SMG6: variants seen among roughly 807,000 people sequenced by gnomAD.
SMG6 encodes telomerase-binding protein EST1A.
In SMG6, 66 loss-of-function variants were observed where a neutral mutation model predicts 142.2. That is an observed-to-expected ratio of 0.46 (90% CI 0.38 to 0.57). The LOEUF (loss-of-function observed/expected upper bound fraction) is 0.57. SMG6 is among the 20% of genes least tolerant of loss of function. The pLI, the probability that SMG6 is intolerant of heterozygous loss-of-function variation, is 0.00. For synonymous variants in SMG6, 779 were observed against 702.4 expected (o/e 1.11, Z -1.72); for missense variants, 1,793 against 1,832.0 (o/e 0.98, Z 0.39).
intron 8 of SMG6, among the ~76,000 whole-genome samples, chr17:2,263,027 G>C (rs1224952037): frequency 1.3e-5 from 2 of 152,056 alleles, no homozygotes; most frequent in Admixed American, 6.6e-5. Flanking sequence ...AGATAAAATA[G>C]ATAAAAACAA....
intron 10 of SMG6, among the ~76,000 whole-genome samples, chr17:2,210,586 T>G (rs777940331): frequency 1.3e-5 from 2 of 151,360 alleles, no homozygotes; most frequent in African/African-American, 2.4e-5. Context: ...AATACACCAA[T>G]GGGGAAAGAG....
At chr17:2,128,870 A>G (rs1489312725) in intron 13 of SMG6, among the ~76,000 whole-genome samples, 1 of 151,900 alleles carries the variant, frequency 6.6e-6, no homozygotes, top group Middle Eastern at 3.2e-3. Context: ...AGAGGAAGAC[A>G]AAAAGACAGA....
intron 6 of SMG6, among the ~76,000 whole-genome samples, chr17:2,285,544 G>T (rs1014602523): frequency 1.3e-5 from 2 of 152,136 alleles, no homozygotes; most frequent in Non-Finnish European, 2.9e-5. Context: ...AAGAAATTAA[G>T]AAAACAATTT....
intron 9 of SMG6, among the ~76,000 whole-genome samples, chr17:2,244,132 T>C (rs780153498): frequency 2.0e-5 from 3 of 152,198 alleles, no homozygotes; most frequent in South Asian, 4.1e-4. Context: ...AAATCCATGG[T>C]GGATGATGAA....
At chr17:2,271,480 A>G (rs183354) in intron 8 of SMG6, among the ~76,000 whole-genome samples, 86,661 of 151,140 alleles carry the variant, frequency 0.57, 26,066 homozygotes, top group East Asian at 0.75. Context: ...TTGAAAGGCC[A>G]AGGTGGGTGG....
intron 1 of SMG6, among the ~76,000 whole-genome samples, chr17:2,301,570 C>T (rs1413797851): frequency 6.6e-6 from 1 of 152,050 alleles, no homozygotes; most frequent in Non-Finnish European, 1.5e-5. Flanking sequence ...CGGCCGGGCG[C>T]GGTGGGTCAC....
chr17:2,146,577 G>A lies in SMG6; in HGVS notation c.3357+26081C>T, dbSNP rs114441244. 1.3e-3 allele frequency among the ~76,000 whole-genome samples: 202 copies of A among 152,278 alleles called. 1 individual carries two copies. The Middle Eastern group carries it at 0.024, about 18-fold the overall frequency. ...TTTCTTTTTTTGAGACTAAGACTCT[G>A]CCACTCAGGCTACAGTGCGGTGGCG... is the stretch of plus-strand genomic sequence containing the variant. On this transcript the variant is annotated intron_variant, in intron 13 of 18. Transcript: ENST00000263073.
At chr17:2,279,809 T>C (rs2074744430) in intron 8 of SMG6, among the ~76,000 whole-genome samples, 1 of 152,156 alleles carries the variant, frequency 6.6e-6, no homozygotes, top group African/African-American at 2.4e-5. Flanking sequence ...CTACTCGCAG[T>C]TCCTGAAGCC....
At chr17:2,233,210 A>G (rs2073549509) in intron 10 of SMG6, 1 of 152,240 alleles carries the variant, frequency 6.6e-6, no homozygotes, top group Admixed American at 6.5e-5. Context: ...CCAGGTAGAG[A>G]CTGTGAGGAT....
chr17:2,089,159 C>T (rs2068644852), intron 13 of SMG6, among the ~76,000 whole-genome samples: 1 of 152,184 alleles, frequency 6.6e-6, no homozygotes, highest in Non-Finnish European at 1.5e-5. Flanking sequence ...ACAGTTAACT[C>T]TGCTCGTGAG....
At chr17:2,218,474 G>A (rs2073081717) in intron 10 of SMG6, among the ~76,000 whole-genome samples, 1 of 151,976 alleles carries the variant, frequency 6.6e-6, no homozygotes, top group African/African-American at 2.4e-5. Context: ...GTGGACCCAG[G>A]GGCAGAGCTT....
intron 1 of SMG6, among the ~76,000 whole-genome samples, chr17:2,301,361 CAG>C (rs1302201588): frequency 6.6e-6 from 1 of 152,166 alleles, no homozygotes; most frequent in East Asian, 1.9e-4. Flanking sequence ...CAGTAGCTCA[CAG>C]AGTTACCAAA....
In SMG6 at chr17:2,149,612, G is replaced by C. The variant is rs137999342; in HGVS notation, c.3357+23046C>G. 3.1e-3 allele frequency among the ~76,000 whole-genome samples: 475 copies of C among 152,276 alleles called. 1 individual carries two copies. The highest frequency in any genetic ancestry group is 0.011 in the African/African-American group (446 of 41,548). On this transcript the variant is annotated intron_variant, in intron 13 of 18. Transcript: ENST00000263073. ...TACACCTGGAGCAAAAAGCAATCTA[G>C]GCAGGGCTTGTAGGCACTCCTTGAC... is the stretch of plus-strand genomic sequence containing the variant.
At chr17:2,221,036 GAAGA>G (rs2073156237) in intron 10 of SMG6, among the ~76,000 whole-genome samples, 1 of 152,136 alleles carries the variant, frequency 6.6e-6, no homozygotes, top group Admixed American at 6.5e-5. Context: ...TTCTAGTCAG[GAAGA>G]AAGGACAGAG....
In SMG6 at chr17:2,300,511, T is replaced by C; in HGVS notation, c.242A>G (p.Asp81Gly). Residue 81 changes from aspartate (D) to glycine (G), a missense_variant, in exon 2 of 19, where the codon GAC (aspartate) becomes GGC (glycine). By Grantham distance (94) the Asp-to-Gly change is moderately conservative. Around this residue, in one of 3 missense-constraint regions of SMG6, gnomAD observed 1,597 missense variants for 1,584.6 expected, o/e 1.01. Transcript: ENST00000263073. The stretch of plus-strand genomic sequence containing the variant: ...ATTTTCAACAGCAGAGCAATCTCGG[T>C]CATTAACAATTTCATCTTTGAATTC... ...SEEFKDEIVNDRDCSAVENGT... is the reference protein window; with the variant it reads ...SEEFKDEIVNGRDCSAVENGT... 6.2e-7 allele frequency: 1 copy of C among 1,614,160 alleles called. No homozygotes were observed. Among genetic ancestry groups the C allele is most frequent in the Non-Finnish European group, 8.5e-7 (1 of 1,180,000 alleles).
At chr17:2,271,332 C>T (rs2074538826) in intron 8 of SMG6, among the ~76,000 whole-genome samples, 1 of 151,548 alleles carries the variant, frequency 6.6e-6, no homozygotes, top group Admixed American at 6.6e-5. Flanking sequence ...CTCAAATAAC[C>T]TGCCTGCCTC....
intron 13 of SMG6, among the ~76,000 whole-genome samples, chr17:2,153,990 C>T (rs1371666361): frequency 3.3e-5 from 4 of 120,350 alleles, no homozygotes; most frequent in Non-Finnish European, 5.0e-5. Context: ...TAGAGTGTGA[C>T]GGTGACTGGG....
At chr17:2,165,671 G>A (rs2071314094) in intron 13 of SMG6, among the ~76,000 whole-genome samples, 1 of 152,210 alleles carries the variant, frequency 6.6e-6, no homozygotes, top group African/African-American at 2.4e-5. Flanking sequence ...GGAGGCCAAG[G>A]CGGGAGGATC....
Position 2,211,285 on chromosome 17 carries a change from AT to A in SMG6, c.2870-22771del, listed in dbSNP as rs763183588. On this transcript the variant is annotated intron_variant, in intron 10 of 18. Coordinates refer to ENST00000263073, the MANE Select transcript of SMG6 (RefSeq NM_017575.5). ...TCAGAACATTTTTTGGGAGGTAAACATTTTTAACAATAGCAACATCATTACT... is the reference window on the plus strand; with the variant it reads ...TCAGAACATTTTTTGGGAGGTAAACATTTTAACAATAGCAACATCATTACT... Among the ~76,000 whole-genome samples the A allele has an allele frequency of 7.2e-4, 110 of 152,280 alleles. No homozygotes were observed. The Middle Eastern group carries it at 0.01, about 14-fold the overall frequency.
Sources: allele counts gnomAD v4.1 joint callset (sites outside exome capture counted in the v4.1 genomes callset), GRCh38; gene constraint gnomAD v4.1.1; regional missense constraint gnomAD v4.1.1; transcripts MANE v1.5; gene names NCBI Gene and HGNC (gene_info 2026-07-23, HGNC 2026-07-21).